The following CXADR variants were observed in gnomAD, a reference collection of about 807,000 sequenced individuals.
CXADR encodes coxsackievirus and adenovirus receptor.
Under a neutral mutation model 40.3 loss-of-function variants are expected in CXADR, and 20 were observed. That is an observed-to-expected ratio of 0.50 (90% CI 0.35 to 0.72). The LOEUF (loss-of-function observed/expected upper bound fraction) is 0.72. Among genes scored for constraint, CXADR ranks in the 30% least tolerant of loss-of-function variants. The pLI, the probability that CXADR is intolerant of heterozygous loss-of-function variation, is 0.01. For synonymous variants in CXADR, 150 were observed against 161.3 expected (o/e 0.93, Z 0.53); for missense variants, 332 against 449.1 (o/e 0.74, Z 2.36).
intron 3 of CXADR, among the ~76,000 whole-genome samples, chr21:17,557,104 C>T (rs932796729): frequency 2.6e-5 from 4 of 152,030 alleles, no homozygotes; most frequent in Admixed American, 6.6e-5. Flanking sequence ...AACCCATTCA[C>T]GACTGAAAAA....
intron 1 of CXADR, among the ~76,000 whole-genome samples, chr21:17,531,525 C>G (rs190465251): frequency 2.0e-5 from 3 of 152,290 alleles, no homozygotes; most frequent in African/African-American, 7.2e-5. Flanking sequence ...TATCAACTCT[C>G]AGCTCATGTC....
chr21:17,561,598 C>A, intron 6 of CXADR, 122 bp downstream of exon 6: 1 of 780,416 alleles, frequency 1.3e-6, no homozygotes, highest in Non-Finnish European at 1.9e-6. Flanking sequence ...AAGCTCTGGC[C>A]GCCTTCTCAA....
At chr21:17,557,911 G>A (rs2249186) in intron 3 of CXADR, among the ~76,000 whole-genome samples, 96,359 of 151,814 alleles carry the variant, frequency 0.63, 31,001 homozygotes, top group East Asian at 0.76. Context: ...ATCAGCCCAC[G>A]TGATTAACAT....
rs2061234453 is a variant in CXADR, at chr21:17,568,062, C to G, written c.*2370C>G. ...TTGCTCCCGAATTACTACTGGTAAT[C>G]AAGTAGTTGAACAAAAAATTACTAA... On this transcript the variant is annotated 3_prime_UTR_variant, in exon 7 of 7. Transcript: ENST00000284878. 1.0e-6 allele frequency: 1 copy of G among 981,060 alleles called. No homozygotes were observed. Among genetic ancestry groups the G allele is most frequent in the African/African-American group, 1.8e-5 (1 of 56,366 alleles). 60.8% of individuals were successfully genotyped at this position (981,060 alleles called of 1,614,324 possible).
chr21:17,628,950 G>A, the CXADR span, among the ~76,000 whole-genome samples: 1 of 152,144 alleles, frequency 6.6e-6, no homozygotes, highest in African/African-American at 2.4e-5. Context: ...TAGGTCTACT[G>A]ATTTAAATGT....
downstream of CXADR, among the ~76,000 whole-genome samples, chr21:17,595,642 G>T (rs1332463949): frequency 6.6e-6 from 1 of 151,550 alleles, no homozygotes; most frequent in African/African-American, 2.4e-5. Flanking sequence ...AAATTAAATG[G>T]TCTCCTAGTA....
At chr21:17,528,068 C>CTTTTTTTTTTTTTTTT (rs35477813) in intron 1 of CXADR, among the ~76,000 whole-genome samples, 6 of 78,352 alleles carry the variant, frequency 7.7e-5, no homozygotes, top group Admixed American at 2.0e-4. Context: ...TTAGTTCTTT[C>CTTTTTTTTTTTTTTTT]TTTTTTTTTT....
At chr21:17,571,153 C>T (rs2824367), downstream of CXADR, among the ~76,000 whole-genome samples, 1 of 151,954 alleles carries the variant, frequency 6.6e-6, no homozygotes, top group East Asian at 1.9e-4. Context: ...TTCTACTCGG[C>T]GATTAAAAGG....
chr21:17,534,384 G>A (rs1261504182), intron 1 of CXADR, among the ~76,000 whole-genome samples: 2 of 151,718 alleles, frequency 1.3e-5, no homozygotes, highest in Admixed American at 1.3e-4. Context: ...CGTGAGCCAC[G>A]GCACCCGGCC....
chr21:17,604,277 C>T, the CXADR span: 1 of 278,178 alleles, frequency 3.6e-6, no homozygotes, highest in African/African-American at 2.4e-5. Context: ...CCCATCTCTA[C>T]TACAAATATA....
At chr21:17,583,746 C>G (rs2061376344) in intron 7 of CXADR, among the ~76,000 whole-genome samples, 1 of 152,158 alleles carries the variant, frequency 6.6e-6, no homozygotes, top group African/African-American at 2.4e-5. Flanking sequence ...AGAGAAATAT[C>G]TTAAAGAGAT....
intron 6 of CXADR, among the ~76,000 whole-genome samples, chr21:17,563,479 G>T (rs951763359): frequency 2.0e-5 from 3 of 152,038 alleles, no homozygotes; most frequent in Non-Finnish European, 4.4e-5. Flanking sequence ...TATTAAGTTT[G>T]CTGTCTCTTA....
the CXADR span, among the ~76,000 whole-genome samples, chr21:17,619,687 G>A: frequency 4.5e-4 from 68 of 152,020 alleles, no homozygotes; most frequent in Non-Finnish European, 5.4e-4. Flanking sequence ...CCTAGATGGC[G>A]TCTGCTTCCA....
intron 6 of CXADR, among the ~76,000 whole-genome samples, chr21:17,564,831 T>A (rs1224016137): frequency 6.6e-6 from 1 of 152,096 alleles, no homozygotes; most frequent in Admixed American, 6.6e-5. Flanking sequence ...GCCTCCTGGG[T>A]TCAAGCGATT....
the CXADR span, among the ~76,000 whole-genome samples, chr21:17,620,097 A>T: frequency 1.3e-5 from 2 of 152,190 alleles, no homozygotes; most frequent in Admixed American, 6.5e-5. Flanking sequence ...TTCCTTCAAG[A>T]ACTTTTCTTT....
the CXADR span, chr21:17,604,242 A>G: frequency 8.8e-4 from 451 of 510,792 alleles, 3 homozygotes; most frequent in African/African-American, 9.1e-3. Context: ...GGAGTTTGAG[A>G]GCAGTCTGGC....
chr21:17,550,696 G>A (rs1025904439), intron 2 of CXADR, among the ~76,000 whole-genome samples: 1 of 152,156 alleles, frequency 6.6e-6, no homozygotes, highest in Non-Finnish European at 1.5e-5. Context: ...GTTAGAGATT[G>A]TTAGAGATGA....
the CXADR span, chr21:17,611,559 T>C: frequency 6.6e-6 from 1 of 151,892 alleles, no homozygotes; most frequent in Non-Finnish European, 1.5e-5. Context: ...TACCAAAAGG[T>C]GAAAGAGGGA....
chr21:17,536,085 T>C (rs1359398866), intron 1 of CXADR, among the ~76,000 whole-genome samples: 2 of 152,204 alleles, frequency 1.3e-5, no homozygotes, highest in Non-Finnish European at 2.9e-5. Flanking sequence ...GCGCCAGATA[T>C]TTCGAGAAGA....
Sources: allele counts gnomAD v4.1 joint callset (sites outside exome capture counted in the v4.1 genomes callset), GRCh38; gene constraint gnomAD v4.1.1; transcripts MANE v1.5; gene names NCBI Gene and HGNC (gene_info 2026-07-23, HGNC 2026-07-21).